The following DDX19A variants were observed in gnomAD, a reference collection of about 807,000 sequenced individuals.
DDX19A encodes ATP-dependent RNA helicase DDX19A.
DDX19A carries 12 observed loss-of-function variants against 60.6 expected under a neutral mutation model. The ratio of observed to expected loss-of-function variants is 0.20; its 90% CI spans 0.13 to 0.32. DDX19A has a LOEUF of 0.32. Ranked by LOEUF, DDX19A falls within the 10% of genes least tolerant of loss-of-function variation. The pLI, the probability that DDX19A is intolerant of heterozygous loss-of-function variation, is 1.00. For synonymous variants in DDX19A, 206 were observed against 218.2 expected (o/e 0.94, Z 0.49); for missense variants, 337 against 600.6 (o/e 0.56, Z 4.59).
intron 2 of DDX19A, among the ~76,000 whole-genome samples, chr16:70,350,875 A>C (rs1025140619): frequency 6.7e-6 from 1 of 149,876 alleles, no homozygotes; most frequent in Admixed American, 6.7e-5. Context: ...TTATTTATTT[A>C]TTTATTTATT....
chr16:70,350,592 A>T lies in DDX19A; in HGVS notation c.93A>T (p.Lys31Asn). The change falls in exon 2 of 12, where the codon AAA becomes AAT. Residue 31 changes from lysine (K) to asparagine (N), a missense_variant. Physicochemically the swap from Lys to Asn is moderately conservative, Grantham distance 94. This residue lies in a region of DDX19A where 127 missense variants were observed against 160.3 expected (regional missense o/e 0.79). Coordinates refer to ENST00000302243, the MANE Select transcript of DDX19A (RefSeq NM_018332.5). Reference sequence around the variant, plus strand: ...TGCAGATCAAGGAAGAGAAAGTCAAAGCAGATACCAATGGTGAGTCACTAG... The same window carrying T: ...TGCAGATCAAGGAAGAGAAAGTCAATGCAGATACCAATGGTGAGTCACTAG... ...TNLQIKEEKV[K>N]ADTNGIIKTS... 1 of 1,612,328 alleles carries T rather than the reference A, an allele frequency of 6.2e-7. No individual in the cohort carries two copies. The highest frequency in any genetic ancestry group is 8.5e-7 in the Non-Finnish European group (1 of 1,179,178).
intron 4 of DDX19A, among the ~76,000 whole-genome samples, chr16:70,358,148 A>G (rs1232158731): frequency 6.6e-6 from 1 of 152,030 alleles, no homozygotes; most frequent in Non-Finnish European, 1.5e-5. Flanking sequence ...CTCGTTCCTC[A>G]GCCTCTCACG....
intron 4 of DDX19A, among the ~76,000 whole-genome samples, 171 bp downstream of exon 4, chr16:70,356,418 G>A (rs984806680): frequency 6.6e-6 from 1 of 151,724 alleles, no homozygotes; most frequent in African/African-American, 2.4e-5. Context: ...GTGCAATGGC[G>A]TGATCTCAGC....
intron 9 of DDX19A, among the ~76,000 whole-genome samples, chr16:70,369,443 G>T (rs1189331819): frequency 6.6e-6 from 1 of 151,852 alleles, no homozygotes; most frequent in Non-Finnish European, 1.5e-5. Context: ...CTCCCGAAGT[G>T]CTGGGATTAC....
chr16:70,368,546 C>T lies in DDX19A; in HGVS notation c.1021-1677C>T, dbSNP rs866768750. ...ATGGCCTCCCAAAGTACTGGGATTACAGGCATGAGCCACTGCGCCTGACGC... is the reference window on the plus strand; with the variant it reads ...ATGGCCTCCCAAAGTACTGGGATTATAGGCATGAGCCACTGCGCCTGACGC... On this transcript the variant is annotated intron_variant, in intron 9 of 11. Transcript: ENST00000302243. 2.0e-4 allele frequency among the ~76,000 whole-genome samples: 30 copies of T among 152,036 alleles called. 1 individual carries two copies. The highest frequency in any genetic ancestry group is 8.3e-4 in the South Asian group (4 of 4,822).
chr16:70,347,370 T>A, intron 1 of DDX19A: 1 of 405,740 alleles, frequency 2.5e-6, no homozygotes. Flanking sequence ...ATTACGCGAC[T>A]GTTCTTCGCA....
At position 70,356,174 on chromosome 16, in the gene DDX19A, A is replaced by T; in HGVS notation, c.220A>T (p.Asn74Tyr). The T allele has an allele frequency of 6.2e-7, 1 of 1,613,964 alleles. No homozygotes were observed. Among genetic ancestry groups the T allele is most frequent in the Non-Finnish European group, 8.5e-7 (1 of 1,180,012 alleles). The change falls in exon 4 of 12, where the codon AAC (asparagine) becomes TAC (tyrosine). Residue 74 changes from asparagine (N) to tyrosine (Y), a missense_variant. Coordinates refer to ENST00000302243, the MANE Select transcript of DDX19A (RefSeq NM_018332.5). ...CAGAAGCAACCTTGTTGATAACACAAACCAAGTGGAAGTCCTGCAACGGGA... is the reference window on the plus strand; with the variant it reads ...CAGAAGCAACCTTGTTGATAACACATACCAAGTGGAAGTCCTGCAACGGGA... ...LIRSNLVDNT[N>Y]QVEVLQRDPN...
chr16:70,365,200 C>T (rs533521616), intron 7 of DDX19A, 69 bp downstream of exon 7: 14 of 1,025,710 alleles, frequency 1.4e-5, no homozygotes, highest in South Asian at 6.6e-5. Flanking sequence ...TTTGAAGATG[C>T]GATGACCGTA....
intron 10 of DDX19A, chr16:70,371,005 AAAAG>A (rs1044998709): frequency 5.4e-5 from 18 of 331,498 alleles, no homozygotes; most frequent in African/African-American, 8.5e-5. Flanking sequence ...CAAAAATAAA[AAAAG>A]AAAGAAAGAA....
intron 9 of DDX19A, 72 bp downstream of exon 9, chr16:70,366,933 G>A (rs1273449605): frequency 1.9e-6 from 3 of 1,561,040 alleles, no homozygotes; most frequent in East Asian, 4.5e-5. Flanking sequence ...CAGGAGGACT[G>A]GATGCCCCTG....
chr16:70,353,501 C>T (rs899864185), intron 2 of DDX19A, among the ~76,000 whole-genome samples: 1 of 151,992 alleles, frequency 6.6e-6, no homozygotes, highest in African/African-American at 2.4e-5. Flanking sequence ...GAGGCCGAGG[C>T]GGGCAGATCA....
At chr16:70,371,864 C>T in intron 11 of DDX19A, 61 bp from the exon 12 acceptor site, 1 of 1,613,330 alleles carries the variant, frequency 6.2e-7, no homozygotes. Flanking sequence ...TGAATGATTG[C>T]TGTGGCCTGA....
At chr16:70,348,314 G>A (rs1963904398) in intron 1 of DDX19A, among the ~76,000 whole-genome samples, 2 of 152,042 alleles carry the variant, frequency 1.3e-5, no homozygotes, top group African/African-American at 4.8e-5. Context: ...AAAGTGGGAG[G>A]AAGGGCAGAT....
chr16:70,347,131 G>A (rs1963856728), intron 1 of DDX19A, 83 bp downstream of exon 1: 1 of 1,411,594 alleles, frequency 7.1e-7, no homozygotes, highest in Admixed American at 2.0e-5. Flanking sequence ...TCCCCGGGTT[G>A]GGGAGGCCCC....
At chr16:70,358,162 C>T (rs1042608747) in intron 4 of DDX19A, among the ~76,000 whole-genome samples, 3 of 152,114 alleles carry the variant, frequency 2.0e-5, no homozygotes, top group Non-Finnish European at 4.4e-5. Flanking sequence ...TCTCACGTAG[C>T]TGGGATTACA....
rs1325710541 is a variant in DDX19A at position 70,369,182 on chromosome 16, T to G, written c.1021-1041T>G. Among the ~76,000 whole-genome samples the G allele has an allele frequency of 3.0e-3, 416 of 138,340 alleles. 1 individual carries two copies. Among genetic ancestry groups the G allele is most frequent in the African/African-American group, 0.011 (371 of 34,256 alleles). 90.8% of individuals were successfully genotyped at this position (138,340 alleles called of 152,430 possible). ...GTGCCCGGCCAATCTGGTTTTTTTT[T>G]TTTTTTTTTTTTTTTTGAAACGGAA... On this transcript the variant is annotated intron_variant, in intron 9 of 11. Transcript: ENST00000302243.
At chr16:70,355,324 A>G (rs566459508) in intron 2 of DDX19A, among the ~76,000 whole-genome samples, 161 bp from the exon 3 acceptor site, 56 of 152,302 alleles carry the variant, frequency 3.7e-4, no homozygotes, top group African/African-American at 1.3e-3. Context: ...GCAGTGAGCC[A>G]AGGTTGCGCC....
chr16:70,367,876 C>CAAAA (rs1205996596), intron 9 of DDX19A, among the ~76,000 whole-genome samples: 2 of 97,292 alleles, frequency 2.1e-5, no homozygotes, highest in African/African-American at 7.6e-5. Flanking sequence ...GACTCCGTCT[C>CAAAA]AAAAAAAAAA....
intron 4 of DDX19A, among the ~76,000 whole-genome samples, chr16:70,359,962 C>T (rs1275818116): frequency 1.3e-5 from 2 of 152,088 alleles, no homozygotes; most frequent in African/African-American, 4.8e-5. Context: ...TGTATATCAG[C>T]TACTAGAAAC....
Sources: allele counts gnomAD v4.1 joint callset (sites outside exome capture counted in the v4.1 genomes callset), GRCh38; gene constraint gnomAD v4.1.1; regional missense constraint gnomAD v4.1.1; transcripts MANE v1.5; gene names NCBI Gene and HGNC (gene_info 2026-07-23, HGNC 2026-07-21).